The following PALM3 variants were observed in gnomAD, a reference collection of about 807,000 sequenced individuals.
The protein encoded by PALM3 is paralemmin-3.
Under a neutral mutation model 27.9 loss-of-function variants are expected in PALM3, and 20 were observed. The observed-to-expected ratio is 0.72, with a 90% CI of 0.50 to 1.04. The LOEUF is 1.04. Among genes scored for constraint, PALM3 ranks in the 50% least tolerant of loss-of-function variants. The probability of loss-of-function intolerance (pLI) is 0.00; values close to 1 mark genes in which losing one functional copy is unlikely to be tolerated. For synonymous variants in PALM3, 328 were observed against 352.7 expected (o/e 0.93, Z 0.79); for missense variants, 814 against 869.4 (o/e 0.94, Z 0.80).
Position 14,053,578 on chromosome 19 carries a change from C to G in PALM3, c.*27G>C, listed in dbSNP as rs1250781028. ...GAGGCCGAGGTAGCTGTGAGAGGAG[C>G]TGGACATGGGGTGGAGGGGCATGGG... On this transcript the variant is annotated 3_prime_UTR_variant, in exon 7 of 7. Transcript: ENST00000669674. 6.9e-7 allele frequency: 1 copy of G among 1,442,038 alleles called. No homozygotes were observed. Among genetic ancestry groups the G allele is most frequent in the Admixed American group, 3.1e-5 (1 of 32,400 alleles). The allele number at this position is 1,442,038 out of a possible 1,614,324, so 89.3% of individuals were successfully genotyped here.
rs1309524951 is a variant in PALM3, at chr19:14,055,150, G to C, written c.522C>G (p.Pro174=). 1 of 1,549,196 alleles carries C rather than the reference G, an allele frequency of 6.5e-7. No individual in the cohort carries two copies. The highest frequency in any genetic ancestry group is 8.7e-7 in the Non-Finnish European group (1 of 1,146,632). ...GCAGAAACCCCAAGACATCCTCCCT[G>C]GGCTCAGAGGGGGACTCTGGAGGCG... The part of the protein sequence containing the change: ...VGTPPESPSE[P]REDVLGFLPG... Residue 174 remains proline, a synonymous_variant, in exon 7 of 7, where the codon CCC becomes CCG. Transcript: ENST00000669674.
intron 2 of PALM3, among the ~76,000 whole-genome samples, 199 bp downstream of exon 2, chr19:14,058,916 G>A (rs1268081935): frequency 3.3e-5 from 5 of 152,090 alleles, no homozygotes; most frequent in Middle Eastern, 3.4e-3. Context: ...CTCTGGAAGT[G>A]TGGGGGCCAC....
Position 14,055,035 on chromosome 19 carries a change from G to C in PALM3, c.637C>G (p.Leu213Val), listed in dbSNP as rs1976276292. Residue 213 changes from leucine (L) to valine (V), a missense_variant, in exon 7 of 7, where the codon CTA (leucine) becomes GTA (valine). Leu to Val is a conservative substitution (Grantham distance 32). Coordinates refer to ENST00000669674, the MANE Select transcript of PALM3 (RefSeq NM_001145028.2). ...TCGGATGGCACTGCCCTCTGACTTAGCCCCTGCTCTGGAGTGGGGATGGGG... is the reference window on the plus strand; with the variant it reads ...TCGGATGGCACTGCCCTCTGACTTACCCCCTGCTCTGGAGTGGGGATGGGG... ...PSPIPTPEQGLSQRAVPSEGR... is the reference protein window; with the variant it reads ...PSPIPTPEQGVSQRAVPSEGR... 1 of 1,550,662 alleles carries C rather than the reference G, an allele frequency of 6.4e-7. No individual in the cohort carries two copies. The highest frequency in any genetic ancestry group is 1.4e-5 in the African/African-American group (1 of 73,036).
rs1485443476 is a variant in PALM3, at chr19:14,055,074, C to T, written c.598G>A (p.Gly200Ser). 2 of 1,551,634 alleles carry T rather than the reference C, an allele frequency of 1.3e-6. No homozygotes were observed. Among genetic ancestry groups the T allele is most frequent in the Non-Finnish European group, 1.7e-6 (2 of 1,146,990 alleles). ...GAAGDSSEAN[G>S]PCPSPIPTPE... is the part of the protein sequence containing the mutation. ...GTGGGGATGGGGCTGGGGCATGGGC[C>T]ATTGGCTTCTGAGGAGTCTCCTGCT... is the stretch of plus-strand genomic sequence containing the variant. Residue 200 changes from glycine (G) to serine (S), a missense_variant, in exon 7 of 7, where the codon GGC (glycine) becomes AGC (serine). By Grantham distance (56) the Gly-to-Ser change is moderately conservative (BLOSUM62 0). Coordinates refer to ENST00000669674, the MANE Select transcript of PALM3 (RefSeq NM_001145028.2).
At chr19:14,055,270 A>G in intron 6 of PALM3, 44 bp from the exon 7 acceptor site, 1 of 1,521,598 alleles carries the variant, frequency 6.6e-7, no homozygotes, top group Non-Finnish European at 8.8e-7. Flanking sequence ...AAGGGAAGAC[A>G]GGGTTAAGAT....
rs867413609 is a variant in PALM3 at position 14,053,778 on chromosome 19, G to T, written c.1894C>A (p.Gln632Lys). Reference protein sequence around the residue: ...PLLAETPAPEQPAECQPLLQG... With the variant: ...PLLAETPAPEKPAECQPLLQG... ...AGCAGTGGCTGGCATTCGGCGGGCT[G>T]CTCTGGGGCTGGGGTCTCTGCCAGA... Residue 632 changes from glutamine (Q) to lysine (K), a missense_variant, in exon 7 of 7, where the codon CAG becomes AAG. Gln to Lys is a moderately conservative substitution (Grantham distance 53). Transcript: ENST00000669674. The T allele has an allele frequency of 1.3e-6, 2 of 1,541,106 alleles. No homozygotes were observed. The highest frequency in any genetic ancestry group is 2.4e-5 in the South Asian group (2 of 82,196).
chr19:14,056,087 T>C (rs982339759), intron 5 of PALM3, among the ~76,000 whole-genome samples: 9 of 152,198 alleles, frequency 5.9e-5, no homozygotes, highest in Non-Finnish European at 7.3e-5. Context: ...TTTTGTGTTT[T>C]TAGTAGAGAT....
Position 14,054,906 on chromosome 19 carries a change from C to T in PALM3, c.766G>A (p.Glu256Lys). 1.9e-6 allele frequency: 3 copies of T among 1,549,442 alleles called. No homozygotes were observed. The highest frequency in any genetic ancestry group is 2.4e-5 in the South Asian group (2 of 84,032). Residue 256 changes from glutamate (E) to lysine (K), a missense_variant, in exon 7 of 7, where the codon GAG becomes AAG. Coordinates refer to ENST00000669674, the MANE Select transcript of PALM3 (RefSeq NM_001145028.2). ...CATGATGPEL[E>K]AKVEEVVLEA... The stretch of plus-strand genomic sequence containing the variant: ...AGCACCACTTCCTCCACCTTAGCCT[C>T]CAGCTCGGGGCCCGTGGCCCCTGTG...
chr19:14,058,095 G>A (rs1976347405), intron 2 of PALM3, among the ~76,000 whole-genome samples: 2 of 152,068 alleles, frequency 1.3e-5, no homozygotes, highest in Admixed American at 6.6e-5. Flanking sequence ...GCGACAGAGC[G>A]AGACTCCGTC....
rs1260218401 is a variant in PALM3, at chr19:14,055,164, A to C, written c.508T>G (p.Ser170Ala). The stretch of plus-strand genomic sequence containing the variant: ...ACATCCTCCCTGGGCTCAGAGGGGG[A>C]CTCTGGAGGCGTGCCCACTAGTCCA... Reference protein sequence around the residue: ...PAGLVGTPPESPSEPREDVLG... With the variant: ...PAGLVGTPPEAPSEPREDVLG... The change falls in exon 7 of 7, where the codon TCC becomes GCC. Residue 170 changes from serine (S) to alanine (A), a missense_variant. Ser to Ala is a moderately conservative substitution (Grantham distance 99). Coordinates refer to ENST00000669674, the MANE Select transcript of PALM3 (RefSeq NM_001145028.2). The C allele has an allele frequency of 6.5e-7, 1 of 1,547,316 alleles. No individual in the cohort carries two copies. Among genetic ancestry groups the C allele is most frequent in the African/African-American group, 1.4e-5 (1 of 71,286 alleles).
At position 14,054,733 on chromosome 19, in the gene PALM3, G is replaced by C. The variant is rs772964185; in HGVS notation, c.939C>G (p.Val313=). Residue 313 remains valine, a synonymous_variant, in exon 7 of 7, where the codon GTC becomes GTG. Transcript: ENST00000669674. ...AMGEIGRVPE[V]VQTSSPRLQE... is the part of the protein sequence containing the mutation. ...GGAGCCTAGGCGAGCTAGTCTGCAC[G>C]ACCTCAGGGACCCTGCCTATCTCCC... 6.4e-7 allele frequency: 1 copy of C among 1,551,694 alleles called. No individual in the cohort carries two copies. Among genetic ancestry groups the C allele is most frequent in the Non-Finnish European group, 8.7e-7 (1 of 1,147,036 alleles).
Position 14,054,011 on chromosome 19 carries a change from T to C in PALM3, c.1661A>G (p.Asn554Ser). The C allele has an allele frequency of 5.2e-6, 8 of 1,551,754 alleles. No homozygotes were observed. The highest frequency in any genetic ancestry group is 7.0e-6 in the Non-Finnish European group (8 of 1,146,984). The change falls in exon 7 of 7, where the codon AAT (asparagine) becomes AGT (serine). Residue 554 changes from asparagine (N) to serine (S), a missense_variant. Transcript: ENST00000669674. The stretch of plus-strand genomic sequence containing the variant: ...TCCTTCCCTAGACCCTTGTTCTAGA[T>C]TCAGATCTCCCTCCGTCCCTTGGGT... The part of the protein sequence containing the change: ...EKTQGTEGDL[N>S]LEQGSREGSE...
In PALM3 at chr19:14,059,269, C is replaced by T. The variant is rs1169616394; in HGVS notation, c.42-106G>A. 7.2e-6 allele frequency: 8 copies of T among 1,113,840 alleles called. No homozygotes were observed. The East Asian group carries it at 9.7e-5, about 13-fold the overall frequency. The allele number at this position is 1,113,840 out of a possible 1,614,324, so 69.0% of individuals were successfully genotyped here. A position where few individuals can be genotyped will look rare whatever the true frequency, so the allele number is the denominator to read the frequency against. Reference sequence around the variant, plus strand: ...AATTGCCCCGAGCCCAGCACTTTGCCTCTGTTTCCCCTTTGCACCTGGGAA... The same window carrying T: ...AATTGCCCCGAGCCCAGCACTTTGCTTCTGTTTCCCCTTTGCACCTGGGAA... On this transcript the variant is annotated intron_variant, in intron 1 of 6. Coordinates refer to ENST00000669674, the MANE Select transcript of PALM3 (RefSeq NM_001145028.2).
intron 1 of PALM3, among the ~76,000 whole-genome samples, chr19:14,059,476 A>G (rs1245828175): frequency 6.6e-6 from 1 of 152,118 alleles, no homozygotes; most frequent in Non-Finnish European, 1.5e-5. Flanking sequence ...GGACGCTTGC[A>G]AGGAGCTATT....
At chr19:14,059,213 C>T in intron 1 of PALM3, 50 bp from the exon 2 acceptor site, 6 of 1,426,316 alleles carry the variant, frequency 4.2e-6, no homozygotes, top group Non-Finnish European at 5.5e-6. Flanking sequence ...TGAACGCCCC[C>T]CTCTTGGCCA....
chr19:14,053,479 G>T lies in PALM3; in HGVS notation c.*126C>A. ...AGCCCAGGTTTAGGTGGACGTGCAG[G>T]CTAGCTGGCTCCCAGGTGCCATGGC... On this transcript the variant is annotated 3_prime_UTR_variant, in exon 7 of 7. Coordinates refer to ENST00000669674, the MANE Select transcript of PALM3 (RefSeq NM_001145028.2). 1.7e-6 allele frequency: 2 copies of T among 1,154,398 alleles called. No individual in the cohort carries two copies. The highest frequency in any genetic ancestry group is 2.3e-6 in the Non-Finnish European group (2 of 860,804). The allele number at this position is 1,154,398 out of a possible 1,614,324, so 71.5% of individuals were successfully genotyped here. A position where few individuals can be genotyped will look rare whatever the true frequency, so the allele number is the denominator to read the frequency against.
chr19:14,053,443 A>G lies in PALM3; in HGVS notation c.*162T>C, dbSNP rs926905659. ...AGGCCAGGGTTACAGGCAGTGGGCA[A>G]GGGGTCTGGAAGCCCAGGTTTAGGT... On this transcript the variant is annotated 3_prime_UTR_variant, in exon 7 of 7. Transcript: ENST00000669674. 4 of 714,198 alleles carry G rather than the reference A, an allele frequency of 5.6e-6. No homozygotes were observed. Among genetic ancestry groups the G allele is most frequent in the African/African-American group, 3.6e-5 (2 of 55,348 alleles). 44.2% of individuals were successfully genotyped at this position (714,198 alleles called of 1,614,324 possible).
chr19:14,061,569 C>T (rs1432568373), intron 1 of PALM3, among the ~76,000 whole-genome samples: 2 of 152,138 alleles, frequency 1.3e-5, no homozygotes, highest in African/African-American at 4.8e-5. Context: ...TGTTGGATCT[C>T]AAGCCTTTTC....
At chr19:14,055,518 C>T (rs1433545371) in intron 5 of PALM3, 93 bp from the exon 6 acceptor site, 1 of 1,225,654 alleles carries the variant, frequency 8.2e-7, no homozygotes, top group East Asian at 2.5e-5. Flanking sequence ...CCCCTAAATA[C>T]CCTCAGTGGC....
Sources: allele counts gnomAD v4.1 joint callset (sites outside exome capture counted in the v4.1 genomes callset), GRCh38; gene constraint gnomAD v4.1.1; transcripts MANE v1.5; gene names NCBI Gene and HGNC (gene_info 2026-07-23, HGNC 2026-07-21).